The following GTF3C1 variants were observed in gnomAD, a reference collection of about 807,000 sequenced individuals.
GTF3C1 encodes general transcription factor IIIC subunit 1.
Under a neutral mutation model 226.7 loss-of-function variants are expected in GTF3C1, and 57 were observed. The ratio of observed to expected loss-of-function variants is 0.25; its 90% confidence interval spans 0.20 to 0.31. GTF3C1 has a LOEUF of 0.31. GTF3C1 is among the 10% of genes least tolerant of loss of function. GTF3C1 has a pLI of 1.00. For missense variants in GTF3C1, 2,217 were observed against 2,776.1 expected (o/e 0.80, Z 4.53); for synonymous variants, 1,090 against 1,084.8 (o/e 1.00, Z -0.09).
chr16:27,495,573 GC>G (rs1272377336), intron 14 of GTF3C1, 81 bp from the exon 15 acceptor site: 29 of 1,288,508 alleles, frequency 2.3e-5, no homozygotes, highest in Non-Finnish European at 2.9e-5. Context: ...ATGATTGAGT[GC>G]CACTATGTGC....
chr16:27,481,225 T>C lies in GTF3C1; in HGVS notation c.4084-34A>G, dbSNP rs763028271. On this transcript the variant is annotated intron_variant, in intron 26 of 36. Coordinates refer to ENST00000356183, the MANE Select transcript of GTF3C1 (RefSeq NM_001520.4). ...ATGAGAGCATGAGAGGTTAAGCCCT[T>C]ACTCTTCCTAAAGGGAGGTTTTGCT... 2.2e-5 allele frequency: 35 copies of C among 1,576,266 alleles called. No individual in the cohort carries two copies. The South Asian group carries it at 3.8e-4, about 17-fold the overall frequency.
At position 27,469,103 on chromosome 16, in the gene GTF3C1, C is replaced by T. The variant is rs1167517814; in HGVS notation, c.5074+188G>A. ...GGGAGCTTTCCCACAGAGGTGTGGG[C>T]ACAGCACAGGCACCTGGGGAAGGCA... On this transcript the variant is annotated intron_variant, in intron 32 of 36. Transcript: ENST00000356183. This position sits in a 1 kb window ranked among gnomAD's most constrained non-coding sequence, Gnocchi z 4.5. Among the ~76,000 whole-genome samples the T allele has an allele frequency of 6.6e-6, 1 of 152,230 alleles. No homozygotes were observed. Among genetic ancestry groups the T allele is most frequent in the African/African-American group, 2.4e-5 (1 of 41,456 alleles).
intron 23 of GTF3C1, 111 bp downstream of exon 23, chr16:27,488,116 G>A (rs577975856): frequency 9.1e-5 from 80 of 880,164 alleles, no homozygotes; most frequent in Non-Finnish European, 8.6e-5. Flanking sequence ...GAGGGAAGGC[G>A]GAAACCCGTG....
rs2088248098 is a variant in GTF3C1 at position 27,492,497 on chromosome 16, T to C, written c.2992A>G (p.Lys998Glu). 1 of 1,613,410 alleles carries C rather than the reference T, an allele frequency of 6.2e-7. No individual in the cohort carries two copies. The highest frequency in any genetic ancestry group is 8.5e-7 in the Non-Finnish European group (1 of 1,179,398). ...GTAGTGTCAACAATGACTGCATTCTTCTTCAAGAAGATAAAGACCTAAGGG... is the reference window on the plus strand; with the variant it reads ...GTAGTGTCAACAATGACTGCATTCTCCTTCAAGAAGATAAAGACCTAAGGG... ...DKDQVFIFLK[K>E]NAVIVDTTIC... Residue 998 changes from lysine (K) to glutamate (E), a missense_variant, in exon 19 of 37, where the codon AAG becomes GAG. Around this residue, in one of 12 missense-constraint regions of GTF3C1, gnomAD observed 353 missense variants for 411.7 expected, o/e 0.86. Transcript: ENST00000356183. This position sits in a 1 kb window ranked among gnomAD's most constrained non-coding sequence, Gnocchi z 5.0.
chr16:27,516,353 G>A (rs2088658352), intron 6 of GTF3C1, among the ~76,000 whole-genome samples: 1 of 152,238 alleles, frequency 6.6e-6, no homozygotes, highest in Non-Finnish European at 1.5e-5. Flanking sequence ...CCATGACCCA[G>A]AGTGGGTGCT....
At chr16:27,476,597 C>G (rs1334255903) in intron 28 of GTF3C1, 53 bp from the exon 29 acceptor site, 3 of 976,106 alleles carry the variant, frequency 3.1e-6, no homozygotes, top group Non-Finnish European at 4.9e-6. Context: ...CTGCTCAGCT[C>G]AGGCAGATGC....
At chr16:27,499,324 C>CAGA (rs1301246966) in intron 12 of GTF3C1, among the ~76,000 whole-genome samples, 1 of 152,212 alleles carries the variant, frequency 6.6e-6, no homozygotes, top group African/African-American at 2.4e-5. Context: ...GGATGAAAAA[C>CAGA]AGACTGTGTG....
rs780109227 is a variant in GTF3C1 at position 27,489,587 on chromosome 16, G to A, written c.3293+15C>T. On this transcript the variant is annotated intron_variant, in intron 20 of 36. Coordinates refer to ENST00000356183, the MANE Select transcript of GTF3C1 (RefSeq NM_001520.4). ...AGCCCAGTCCTGGCCGGCCGCGCTTGGGACGGACACGCACGTGGTGTACTC... is the reference window on the plus strand; with the variant it reads ...AGCCCAGTCCTGGCCGGCCGCGCTTAGGACGGACACGCACGTGGTGTACTC... 1.0e-5 allele frequency: 16 copies of A among 1,595,774 alleles called. No homozygotes were observed. In the South Asian group the frequency reaches 1.8e-4, roughly 18 times the overall value.
At chr16:27,472,717 C>T (rs1416545526) in intron 29 of GTF3C1, among the ~76,000 whole-genome samples, 1 of 152,244 alleles carries the variant, frequency 6.6e-6, no homozygotes, top group African/African-American at 2.4e-5. Flanking sequence ...TGCCCTGCCG[C>T]TCCCCTAAAT....
In GTF3C1 at chr16:27,500,704, C is replaced by T. The variant is rs1431311595; in HGVS notation, c.2061+487G>A. 3.3e-5 allele frequency among the ~76,000 whole-genome samples: 5 copies of T among 152,190 alleles called. No homozygotes were observed. In the South Asian group the frequency reaches 6.2e-4, roughly 19 times the overall value. ...CAGCTGCTATGGGAATGCATCCCCCCGCAAACTTTAAATTTTACAGAAATA... is the reference window on the plus strand; with the variant it reads ...CAGCTGCTATGGGAATGCATCCCCCTGCAAACTTTAAATTTTACAGAAATA... On this transcript the variant is annotated intron_variant, in intron 12 of 36. Transcript: ENST00000356183.
At position 27,465,322 on chromosome 16, in the gene GTF3C1, G is replaced by T. The variant is rs751213958; in HGVS notation, c.5293C>A (p.Arg1765=). The change falls in exon 33 of 37, where the codon CGG becomes AGG. Residue 1765 remains arginine, a synonymous_variant. Coordinates refer to ENST00000356183, the MANE Select transcript of GTF3C1 (RefSeq NM_001520.4). ...CCTGCCTTCTCCAAGGCCGAGAACC[G>T]TCTGCGCAGCTCCTCCTTGTCAATC... The part of the protein sequence containing the change: ...FGIDKEELRR[R]FSALEKAGGG... 1 of 1,614,088 alleles carries T rather than the reference G, an allele frequency of 6.2e-7. No homozygotes were observed.
intron 4 of GTF3C1, among the ~76,000 whole-genome samples, chr16:27,536,334 T>C (rs998906686): frequency 6.6e-5 from 10 of 152,210 alleles, no homozygotes; most frequent in Non-Finnish European, 1.0e-4. Flanking sequence ...GGCTGACGCC[T>C]GTAATCCCAG....
chr16:27,482,686 C>T (rs1229920436), intron 26 of GTF3C1: 54 of 457,184 alleles, frequency 1.2e-4, no homozygotes, highest in Non-Finnish European at 1.6e-4. Flanking sequence ...TGTCAGCCAC[C>T]GCCTTGGCCC....
chr16:27,542,151 G>A (rs993493910), intron 2 of GTF3C1, among the ~76,000 whole-genome samples: 7 of 152,206 alleles, frequency 4.6e-5, no homozygotes, highest in South Asian at 2.1e-4. Flanking sequence ...AGAGTCCCAC[G>A]TTTATGGCTT....
chr16:27,548,518 G>A (rs1324927321), intron 1 of GTF3C1, among the ~76,000 whole-genome samples: 1 of 152,148 alleles, frequency 6.6e-6, no homozygotes, highest in Non-Finnish European at 1.5e-5. Flanking sequence ...ATCCACCTCA[G>A]CCTCCCAAAG....
chr16:27,489,018 G>A (rs1169678177), intron 21 of GTF3C1, 25 bp downstream of exon 21: 2 of 1,608,514 alleles, frequency 1.2e-6, no homozygotes, highest in South Asian at 2.2e-5. Flanking sequence ...CCCTGAGATT[G>A]TAGTCCGGTG....
intron 4 of GTF3C1, among the ~76,000 whole-genome samples, chr16:27,534,881 G>T (rs74016089): frequency 0.083 from 12,535 of 151,186 alleles, 540 homozygotes; most frequent in African/African-American, 0.1. Context: ...AAATATATTA[G>T]AAAATATATA....
At chr16:27,476,407 A>AAGG (rs1469558314) in intron 29 of GTF3C1, 44 bp downstream of exon 29, 2 of 1,253,500 alleles carry the variant, frequency 1.6e-6, no homozygotes, top group East Asian at 4.6e-5. Flanking sequence ...CTGGCCTCGG[A>AAGG]AGGGCCCACA....
chr16:27,530,219 G>A lies in GTF3C1; in HGVS notation c.850-1498C>T, dbSNP rs536509414. ...CCAGCACTCCAGCCCTTGGGTGGCA[G>A]AACATATGGCTATCAAAACAATACA... On this transcript the variant is annotated intron_variant, in intron 5 of 36. Coordinates refer to ENST00000356183, the MANE Select transcript of GTF3C1 (RefSeq NM_001520.4). Among the ~76,000 whole-genome samples the A allele has an allele frequency of 3.0e-4, 45 of 152,326 alleles. No homozygotes were observed. In the South Asian group the frequency reaches 9.3e-3, roughly 32 times the overall value.
Sources: allele counts gnomAD v4.1 joint callset (sites outside exome capture counted in the v4.1 genomes callset), GRCh38; gene constraint gnomAD v4.1.1; regional missense constraint gnomAD v4.1.1; non-coding constraint Gnocchi (gnomAD v3.1); transcripts MANE v1.5; gene names NCBI Gene and HGNC (gene_info 2026-07-23, HGNC 2026-07-21).